UTRN: variants seen among roughly 807,000 people sequenced by gnomAD.
UTRN encodes the protein utrophin.
UTRN carries 283 observed loss-of-function variants against 463.9 expected under a neutral mutation model. That is an observed-to-expected ratio of 0.61 (90% CI 0.55 to 0.67). The LOEUF is 0.67. Among genes scored for constraint, UTRN ranks in the 30% least tolerant of loss-of-function variants. UTRN has a pLI of 0.00. For missense variants in UTRN, 3,922 were observed against 4,084.3 expected (o/e 0.96, Z 1.08); for synonymous variants, 1,442 against 1,431.5 (o/e 1.01, Z -0.17).
intron 51 of UTRN, among the ~76,000 whole-genome samples, chr6:144,677,623 A>G (rs1166584380): frequency 6.6e-6 from 1 of 152,224 alleles, no homozygotes; most frequent in Non-Finnish European, 1.5e-5. Flanking sequence ...TCCTTTGGGT[A>G]TATACCCAGT....
intron 34 of UTRN, among the ~76,000 whole-genome samples, chr6:144,499,775 C>T (rs6923012): frequency 0.015 from 2,288 of 152,172 alleles, 26 homozygotes; most frequent in African/African-American, 0.035. Flanking sequence ...CTGTTTCTCG[C>T]CCCTCTACTA....
At chr6:144,722,331 T>A (rs970874085) in intron 53 of UTRN, among the ~76,000 whole-genome samples, 1 of 151,826 alleles carries the variant, frequency 6.6e-6, no homozygotes, top group Admixed American at 6.6e-5. Context: ...TTTTTTTTTT[T>A]AAATATCGCT....
At position 144,752,080 on chromosome 6, in the gene UTRN, T is replaced by A. The variant is rs533750576; in HGVS notation, c.8355+128T>A. Reference sequence around the variant, plus strand: ...GGTATTTGATAATGAATTTAGCATGTGATGACATCAGGTATTTGTCTTTCA... The same window carrying A: ...GGTATTTGATAATGAATTTAGCATGAGATGACATCAGGTATTTGTCTTTCA... On this transcript the variant is annotated intron_variant, in intron 56 of 74. Transcript: ENST00000367545. 2.0e-5 allele frequency: 19 copies of A among 933,162 alleles called. No individual in the cohort carries two copies. The East Asian group carries it at 4.2e-4, about 21-fold the overall frequency. The allele number at this position is 933,162 out of a possible 1,614,324, so 57.8% of individuals were successfully genotyped here.
At chr6:144,598,537 GA>G (rs1029557468) in intron 51 of UTRN, among the ~76,000 whole-genome samples, 2 of 152,292 alleles carry the variant, frequency 1.3e-5, no homozygotes, top group African/African-American at 2.4e-5. Context: ...CCTGGATAGG[GA>G]AAAAGACCTG....
chr6:144,351,008 A>T (rs1347408299), intron 2 of UTRN, among the ~76,000 whole-genome samples: 1 of 152,176 alleles, frequency 6.6e-6, no homozygotes, highest in African/African-American at 2.4e-5. Context: ...TATACTGATA[A>T]ATTATTTCCA....
intron 2 of UTRN, among the ~76,000 whole-genome samples, chr6:144,293,135 G>A (rs1317224880): frequency 1.3e-5 from 2 of 152,132 alleles, no homozygotes; most frequent in East Asian, 1.9e-4. Flanking sequence ...CTACAAAAAT[G>A]TAAGGGATTA....
At chr6:144,311,339 G>C (rs781492239) in intron 2 of UTRN, among the ~76,000 whole-genome samples, 3 of 152,192 alleles carry the variant, frequency 2.0e-5, no homozygotes, top group Non-Finnish European at 4.4e-5. Flanking sequence ...GCAGAGTTTG[G>C]GGGGTGGGAC....
At chr6:144,614,702 A>G (rs1000184706) in intron 51 of UTRN, among the ~76,000 whole-genome samples, 6 of 152,188 alleles carry the variant, frequency 3.9e-5, no homozygotes, top group Non-Finnish European at 8.8e-5. Context: ...CCTATGAATT[A>G]ACTTGTAAAT....
In UTRN at chr6:144,438,814, A is replaced by G; in HGVS notation, c.1311A>G (p.Thr437=). 1.9e-6 allele frequency: 3 copies of G among 1,614,252 alleles called. No homozygotes were observed. Among genetic ancestry groups the G allele is most frequent in the Non-Finnish European group, 2.5e-6 (3 of 1,180,032 alleles). ...LQQLSAWLTL[T]EERIQKMETC... Reference sequence around the variant, plus strand: ...AGCTCTCCGCCTGGTTAACACTCACAGAGGAGCGCATTCAGAAGATGGAAA... The same window carrying G: ...AGCTCTCCGCCTGGTTAACACTCACGGAGGAGCGCATTCAGAAGATGGAAA... Residue 437 remains threonine, a synonymous_variant, in exon 12 of 75, where the codon ACA becomes ACG. Coordinates refer to ENST00000367545, the MANE Select transcript of UTRN (RefSeq NM_007124.3).
chr6:144,806,673 A>G (rs1433546184), intron 65 of UTRN, among the ~76,000 whole-genome samples: 1 of 133,310 alleles, frequency 7.5e-6, no homozygotes, highest in Non-Finnish European at 1.7e-5. Flanking sequence ...TTACTATTGG[A>G]ATTGTTCTTA....
chr6:144,518,925 AGTGCCC>A (rs1251218587), intron 39 of UTRN, among the ~76,000 whole-genome samples: 2 of 152,196 alleles, frequency 1.3e-5, no homozygotes, highest in Admixed American at 6.5e-5. Flanking sequence ...AAAAAACTAC[AGTGCCC>A]AAATCTAATT....
intron 19 of UTRN, among the ~76,000 whole-genome samples, chr6:144,458,363 C>A (rs1038103379): frequency 1.3e-5 from 2 of 152,132 alleles, no homozygotes; most frequent in African/African-American, 4.8e-5. Flanking sequence ...GTTTTTCTAG[C>A]CAGCTTTCTT....
At chr6:144,453,929 A>G in intron 19 of UTRN, 60 bp downstream of exon 19, 20 of 1,450,218 alleles carry the variant, frequency 1.4e-5, no homozygotes, top group Non-Finnish European at 1.8e-5. Context: ...ATAATATTAC[A>G]GTTTGCCCTA....
At chr6:144,293,837 G>C (rs966531068) in intron 2 of UTRN, among the ~76,000 whole-genome samples, 1 of 151,568 alleles carries the variant, frequency 6.6e-6, no homozygotes, top group African/African-American at 2.4e-5. Context: ...ACTAAATTAG[G>C]GTATATCCAT....
chr6:144,403,071 A>G (rs1416679258), intron 2 of UTRN, 52 bp from the exon 3 acceptor site: 74 of 1,523,808 alleles, frequency 4.9e-5, no homozygotes, highest in Non-Finnish European at 2.4e-5. Flanking sequence ...GTGCTTTACT[A>G]AAGGTACAGA....
intron 58 of UTRN, among the ~76,000 whole-genome samples, chr6:144,764,207 G>A (rs1299772932): frequency 6.6e-6 from 1 of 152,108 alleles, no homozygotes; most frequent in African/African-American, 2.4e-5. Context: ...GCTTGGAGGG[G>A]CTTCAGATAA....
At chr6:144,652,034 C>T (rs560572555) in intron 51 of UTRN, among the ~76,000 whole-genome samples, 50 of 152,200 alleles carry the variant, frequency 3.3e-4, no homozygotes, top group Non-Finnish European at 6.0e-4. Flanking sequence ...CCTAATTATT[C>T]CATATTCTGA....
At chr6:144,700,354 C>T in intron 53 of UTRN, 111 bp downstream of exon 53, 1 of 982,298 alleles carries the variant, frequency 1.0e-6, no homozygotes, top group Admixed American at 4.6e-5. Context: ...CAGGATTCCC[C>T]CCCCCACCAC....
chr6:144,651,850 A>C (rs1778845714), intron 51 of UTRN, among the ~76,000 whole-genome samples: 1 of 151,924 alleles, frequency 6.6e-6, no homozygotes, highest in African/African-American at 2.4e-5. Flanking sequence ...TTTGGGGGGC[A>C]AGTGGTGTTT....
Sources: gnomAD v4.1 joint callset for allele counts (sites outside exome capture counted in the v4.1 genomes callset) on GRCh38, gnomAD v4.1.1 for gene constraint, MANE v1.5 for transcripts, NCBI Gene and HGNC (gene_info 2026-07-23, HGNC 2026-07-21) for gene names.